Variants in ARB2A observed in about 807,000 individuals in gnomAD.
The protein encoded by ARB2A is cotranscriptional regulator ARB2A.
chr5:94,030,699 T>A, the ARB2A span, among the ~76,000 whole-genome samples: 2 of 152,354 alleles, frequency 1.3e-5, no homozygotes, highest in African/African-American at 4.8e-5. Flanking sequence ...TAATTGCCAA[T>A]GTAACAGTAT....
At chr5:94,050,480 CTT>C in the ARB2A span, among the ~76,000 whole-genome samples, 1 of 151,762 alleles carries the variant, frequency 6.6e-6, no homozygotes, top group African/African-American at 2.4e-5. Flanking sequence ...GTCTGGATCT[CTT>C]GACCTCGTGA....
chr5:93,912,442 GT>G, the ARB2A span, among the ~76,000 whole-genome samples: 394 of 151,788 alleles, frequency 2.6e-3, no homozygotes, highest in African/African-American at 9.0e-3. Context: ...TCCATTTTGA[GT>G]TTTTATTTCA....
the ARB2A span, among the ~76,000 whole-genome samples, chr5:94,063,847 G>GA: frequency 6.6e-6 from 1 of 151,968 alleles, no homozygotes; most frequent in African/African-American, 2.4e-5. Context: ...TACATTTTAA[G>GA]AAAAAATCAT....
chr5:93,722,888 A>G, the ARB2A span, among the ~76,000 whole-genome samples: 1 of 152,178 alleles, frequency 6.6e-6, no homozygotes, highest in South Asian at 2.1e-4. Flanking sequence ...ATCTGATTTA[A>G]TAGTTAGATT....
the ARB2A span, among the ~76,000 whole-genome samples, chr5:93,936,442 T>TG: frequency 6.6e-6 from 1 of 152,136 alleles, no homozygotes; most frequent in African/African-American, 2.4e-5. Flanking sequence ...CAATGCTCAG[T>TG]AAGGGATAAG....
chr5:93,898,837 AT>A, the ARB2A span, among the ~76,000 whole-genome samples: 1 of 152,080 alleles, frequency 6.6e-6, no homozygotes, highest in South Asian at 2.1e-4. Context: ...GCACTTACTG[AT>A]TGCTTACCAT....
At chr5:93,692,231 C>T in the ARB2A span, among the ~76,000 whole-genome samples, 2 of 152,114 alleles carry the variant, frequency 1.3e-5, no homozygotes, top group African/African-American at 4.8e-5. Flanking sequence ...CACAGACTTG[C>T]AAATTGGATA....
chr5:93,854,916 G>GA, the ARB2A span, among the ~76,000 whole-genome samples: 75 of 152,242 alleles, frequency 4.9e-4, no homozygotes, highest in African/African-American at 1.6e-3. Context: ...CTGCAGTGCT[G>GA]AAAAAAATGT....
At chr5:94,050,909 T>C in the ARB2A span, 1 of 1,016,622 alleles carries the variant, frequency 9.8e-7, no homozygotes, top group Non-Finnish European at 1.4e-6. Flanking sequence ...AAAGAATGTC[T>C]GATAAAAATT....
chr5:93,704,731 T>C, the ARB2A span, among the ~76,000 whole-genome samples: 5 of 152,366 alleles, frequency 3.3e-5, no homozygotes, highest in African/African-American at 1.2e-4. Flanking sequence ...ATCCAATGTG[T>C]CAGTGGTACC....
the ARB2A span, among the ~76,000 whole-genome samples, chr5:93,661,421 T>G: frequency 6.6e-6 from 1 of 152,194 alleles, no homozygotes; most frequent in Admixed American, 6.5e-5. Flanking sequence ...CTACATTGCT[T>G]ATGACCTGTT....
At chr5:94,064,201 G>A in the ARB2A span, among the ~76,000 whole-genome samples, 5 of 152,056 alleles carry the variant, frequency 3.3e-5, no homozygotes, top group Admixed American at 3.3e-4. Context: ...TTCACTGAAT[G>A]AAAGATGAAA....
the ARB2A span, among the ~76,000 whole-genome samples, chr5:93,966,127 A>G: frequency 2.0e-5 from 3 of 152,088 alleles, no homozygotes; most frequent in African/African-American, 4.8e-5. Context: ...ACATATGTGT[A>G]AAGTTATATA....
chr5:93,629,741 T>C, the ARB2A span, among the ~76,000 whole-genome samples: 1 of 152,110 alleles, frequency 6.6e-6, no homozygotes, highest in Non-Finnish European at 1.5e-5. Context: ...ATTACTATGA[T>C]AAAGGAGGCA....
At chr5:93,871,739 T>A in the ARB2A span, among the ~76,000 whole-genome samples, 2 of 152,258 alleles carry the variant, frequency 1.3e-5, no homozygotes, top group African/African-American at 4.8e-5. Flanking sequence ...ATAGGTTTAT[T>A]GTTATTTAAA....
the ARB2A span, chr5:93,959,085 A>G: frequency 3.2e-6 from 2 of 622,652 alleles, no homozygotes; most frequent in Non-Finnish European, 4.9e-6. Context: ...GAATTATAGA[A>G]GTAAAAAACA....
At chr5:94,096,952 A>G in the ARB2A span, among the ~76,000 whole-genome samples, 1 of 152,192 alleles carries the variant, frequency 6.6e-6, no homozygotes, top group Non-Finnish European at 1.5e-5. Flanking sequence ...GACCTCCAGA[A>G]TGCTAGCTAC....
chr5:94,020,357 T>C, the ARB2A span, among the ~76,000 whole-genome samples: 1 of 152,128 alleles, frequency 6.6e-6, no homozygotes, highest in Non-Finnish European at 1.5e-5. Context: ...CAAACCACCA[T>C]GGCACATGTA....
chr5:93,659,778 A>G, the ARB2A span, among the ~76,000 whole-genome samples: 1 of 152,144 alleles, frequency 6.6e-6, no homozygotes. Flanking sequence ...CTCCTTCAAT[A>G]CATAAGAGGC....
Sources: allele counts gnomAD v4.1 joint callset (sites outside exome capture counted in the v4.1 genomes callset), GRCh38; gene constraint gnomAD v4.1.1; transcripts MANE v1.5; gene names NCBI Gene and HGNC (gene_info 2026-07-23, HGNC 2026-07-21).